Variants in IL1RAP observed in about 807,000 individuals in gnomAD.
IL1RAP encodes interleukin-1 receptor accessory protein.
Under a neutral mutation model 60.7 loss-of-function variants are expected in IL1RAP, and 35 were observed. The observed-to-expected ratio is 0.58, with a 90% CI of 0.44 to 0.76. IL1RAP has a LOEUF of 0.76. IL1RAP is among the 30% of genes least tolerant of loss of function. The pLI is 0.00. For missense variants in IL1RAP, 572 were observed against 693.9 expected (o/e 0.82, Z 1.97); for synonymous variants, 268 against 250.9 (o/e 1.07, Z -0.64).
chr3:190,645,490 G>A (rs542530449), intron 10 of IL1RAP, among the ~76,000 whole-genome samples: 5 of 152,270 alleles, frequency 3.3e-5, no homozygotes, highest in Non-Finnish European at 5.9e-5. Context: ...AAAGCAACCT[G>A]TAAGATGAGA....
At chr3:190,527,138 G>A (rs115722050) in intron 1 of IL1RAP, among the ~76,000 whole-genome samples, 10 of 152,248 alleles carry the variant, frequency 6.6e-5, no homozygotes, top group African/African-American at 2.4e-4. Flanking sequence ...GGGTGACAAG[G>A]AAAAAACAGC....
At chr3:190,559,461 A>G (rs1342853504) in intron 2 of IL1RAP, among the ~76,000 whole-genome samples, 1 of 152,144 alleles carries the variant, frequency 6.6e-6, no homozygotes, top group Non-Finnish European at 1.5e-5. Flanking sequence ...CTTAAAGTGG[A>G]AGATTAGATT....
At chr3:190,555,353 C>T (rs1725324841) in intron 1 of IL1RAP, among the ~76,000 whole-genome samples, 1 of 144,058 alleles carries the variant, frequency 6.9e-6, no homozygotes. Context: ...CTTTGAAATG[C>T]CTCTGCTGCA....
intron 3 of IL1RAP, among the ~76,000 whole-genome samples, chr3:190,603,508 A>G (rs1416745552): frequency 6.6e-6 from 1 of 152,222 alleles, no homozygotes; most frequent in African/African-American, 2.4e-5. Context: ...TAAGTGAAAA[A>G]TACATTGAAT....
At position 190,588,195 on chromosome 3, in the gene IL1RAP, C is replaced by G. The variant is rs541299456; in HGVS notation, c.65-15933C>G. ...GTGGTGCAATCTCAGCTCACTGCAA[C>G]CTCTGCCTCCTGGGTTCAAGCGATT... On this transcript the variant is annotated intron_variant, in intron 3 of 11. Coordinates refer to ENST00000447382, the MANE Select transcript of IL1RAP (RefSeq NM_002182.4). Among the ~76,000 whole-genome samples the G allele has an allele frequency of 4.9e-3, 740 of 152,278 alleles. 7 individuals carry two copies. The highest frequency in any genetic ancestry group is 0.017 in the African/African-American group (721 of 41,550).
intron 1 of IL1RAP, among the ~76,000 whole-genome samples, chr3:190,533,606 C>T (rs1299463586): frequency 2.6e-5 from 4 of 152,180 alleles, no homozygotes; most frequent in Non-Finnish European, 5.9e-5. Context: ...GAATGGAAGA[C>T]TTGTGTCTGG....
In IL1RAP at chr3:190,627,412, C is replaced by T. The variant is rs748308642; in HGVS notation, c.865C>T (p.Pro289Ser). 6.2e-7 allele frequency: 1 copy of T among 1,612,838 alleles called. No individual in the cohort carries two copies. The highest frequency in any genetic ancestry group is 8.5e-7 in the Non-Finnish European group (1 of 1,179,438). The stretch of plus-strand genomic sequence containing the variant: ...TTGGTGGACCATTGATGGAAAAAAA[C>T]CTGATGACATCACTATTGATGTCAC... ...EVWWTIDGKK[P>S]DDITIDVTIN... Residue 289 changes from proline to serine, a missense_variant, in exon 8 of 12, where the codon CCT (proline) becomes TCT (serine). Transcript: ENST00000447382.
intron 1 of IL1RAP, among the ~76,000 whole-genome samples, chr3:190,545,890 T>TG (rs1429493254): frequency 6.6e-5 from 10 of 152,198 alleles, no homozygotes; most frequent in Admixed American, 5.2e-4. Context: ...TATACATGTG[T>TG]GAAAAAAAAC....
At chr3:190,566,263 GC>G (rs1165744384) in intron 3 of IL1RAP, among the ~76,000 whole-genome samples, 1 of 152,026 alleles carries the variant, frequency 6.6e-6, no homozygotes, top group Non-Finnish European at 1.5e-5. Flanking sequence ...CCTTTCCCCT[GC>G]CCCCAGACTG....
At chr3:190,529,364 G>A (rs1460930532) in intron 1 of IL1RAP, among the ~76,000 whole-genome samples, 1 of 151,956 alleles carries the variant, frequency 6.6e-6, no homozygotes, top group African/African-American at 2.4e-5. Flanking sequence ...GACCAGCCTG[G>A]CCAACGTGGT....
chr3:190,627,581 A>C (rs1435400657), intron 8 of IL1RAP, 132 bp downstream of exon 8: 4 of 1,215,132 alleles, frequency 3.3e-6, no homozygotes, highest in Non-Finnish European at 3.3e-6. Context: ...CAAGATTTTC[A>C]AATCTTTGGT....
Position 190,609,124 on chromosome 3 carries a change from T to C in IL1RAP, c.480T>C (p.Cys160=). The part of the protein sequence containing the change: ...YIEYGIQRIT[C]PNVDGYFPSS... ...AATATGGCATTCAGAGGATCACTTGTCCAAATGTAGATGGATATTTTCCTT... is the reference window on the plus strand; with the variant it reads ...AATATGGCATTCAGAGGATCACTTGCCCAAATGTAGATGGATATTTTCCTT... The change falls in exon 5 of 12, where the codon TGT becomes TGC. Residue 160 remains cysteine (C), a synonymous_variant. Coordinates refer to ENST00000447382, the MANE Select transcript of IL1RAP (RefSeq NM_002182.4). 1 of 1,613,072 alleles carries C rather than the reference T, an allele frequency of 6.2e-7. No homozygotes were observed. The highest frequency in any genetic ancestry group is 8.5e-7 in the Non-Finnish European group (1 of 1,179,430).
intron 6 of IL1RAP, among the ~76,000 whole-genome samples, chr3:190,621,893 G>A (rs1158998660): frequency 6.6e-6 from 1 of 152,090 alleles, no homozygotes; most frequent in African/African-American, 2.4e-5. Flanking sequence ...TCATACTTTT[G>A]AAGACAATAC....
At chr3:190,535,445 A>G (rs1435131717) in intron 1 of IL1RAP, among the ~76,000 whole-genome samples, 1 of 152,158 alleles carries the variant, frequency 6.6e-6, no homozygotes, top group East Asian at 1.9e-4. Flanking sequence ...GTTAAACATA[A>G]GTTCTTTGTA....
intron 5 of IL1RAP, among the ~76,000 whole-genome samples, chr3:190,609,993 C>T (rs1730683154): frequency 6.6e-6 from 1 of 152,120 alleles, no homozygotes; most frequent in Admixed American, 6.6e-5. Context: ...AGGTTTTGCT[C>T]TCTAATAAGG....
At chr3:190,631,055 AAATC>A (rs996986415) in intron 9 of IL1RAP, among the ~76,000 whole-genome samples, 10 of 152,206 alleles carry the variant, frequency 6.6e-5, no homozygotes, top group Admixed American at 6.5e-4. Context: ...GGATTTTAAA[AAATC>A]AATCAAGTTA....
At chr3:190,655,012 C>A (rs769504721), downstream of IL1RAP, among the ~76,000 whole-genome samples, 3 of 152,022 alleles carry the variant, frequency 2.0e-5, no homozygotes, top group Admixed American at 2.0e-4. Flanking sequence ...CCCTTTAATT[C>A]CAATTCTTCA....
chr3:190,630,361 C>A, intron 9 of IL1RAP: 1 of 214,406 alleles, frequency 4.7e-6, no homozygotes, highest in Non-Finnish European at 7.9e-6. Context: ...AGGATGTTTT[C>A]AATGGTCTTG....
chr3:190,567,936 T>G (rs1726564193), intron 3 of IL1RAP, among the ~76,000 whole-genome samples: 1 of 152,194 alleles, frequency 6.6e-6, no homozygotes, highest in African/African-American at 2.4e-5. Context: ...TGTGCCTCAT[T>G]GGCAGTGTGT....
Sources: gnomAD v4.1 joint callset for allele counts (sites outside exome capture counted in the v4.1 genomes callset) on GRCh38, gnomAD v4.1.1 for gene constraint, MANE v1.5 for transcripts, NCBI Gene and HGNC (gene_info 2026-07-23, HGNC 2026-07-21) for gene names.